The following SAMD5 variants were observed in gnomAD, a reference collection of about 807,000 sequenced individuals.
SAMD5 encodes the protein sterile alpha motif domain containing 5.
A neutral mutation model predicts 11.3 loss-of-function variants in SAMD5; 13 were observed. That is an observed-to-expected ratio of 1.15 (90% CI 0.75 to 1.83). The LOEUF (loss-of-function observed/expected upper bound fraction) is 1.83. Among genes scored for constraint, SAMD5 ranks in the 40% most tolerant of loss-of-function variants. SAMD5 has a pLI of 0.00. For synonymous variants in SAMD5, 129 were observed against 111.3 expected (o/e 1.16, Z -1.00); for missense variants, 255 against 239.1 (o/e 1.07, Z -0.44).
chr6:147,769,055 A>G, the SAMD5 span, among the ~76,000 whole-genome samples: 1 of 152,096 alleles, frequency 6.6e-6, no homozygotes, highest in South Asian at 2.1e-4. Context: ...CAGCCTCCCA[A>G]AGTGCTAGGA....
chr6:147,614,537 C>G (rs1271255656), intron 1 of SAMD5, among the ~76,000 whole-genome samples: 1 of 151,648 alleles, frequency 6.6e-6, no homozygotes, highest in Non-Finnish European at 1.5e-5. Flanking sequence ...GGAAGAATCT[C>G]AGAACTACAG....
intron 1 of SAMD5, among the ~76,000 whole-genome samples, chr6:147,534,539 TC>T (rs1436082002): frequency 6.6e-6 from 1 of 152,128 alleles, no homozygotes; most frequent in African/African-American, 2.4e-5. Context: ...CAAGTCAGTC[TC>T]CCCGAGCATT....
At chr6:147,626,510 G>C (rs1322288878) in intron 1 of SAMD5, among the ~76,000 whole-genome samples, 1 of 151,606 alleles carries the variant, frequency 6.6e-6, no homozygotes, top group African/African-American at 2.4e-5. Flanking sequence ...TTTGTAACTA[G>C]TGTGATTTTT....
intron 1 of SAMD5, among the ~76,000 whole-genome samples, chr6:147,627,239 T>C (rs1347416206): frequency 6.6e-6 from 1 of 152,192 alleles, no homozygotes; most frequent in Non-Finnish European, 1.5e-5. Context: ...CCTGGTAAAC[T>C]GATTACAAAT....
chr6:147,550,378 T>C (rs1788751176), intron 1 of SAMD5, among the ~76,000 whole-genome samples: 2 of 152,078 alleles, frequency 1.3e-5, no homozygotes, highest in South Asian at 4.1e-4. Context: ...AGAACTACCA[T>C]TTGATCCAGC....
At chr6:147,542,321 C>T (rs1365816793) in intron 1 of SAMD5, among the ~76,000 whole-genome samples, 1 of 152,166 alleles carries the variant, frequency 6.6e-6, no homozygotes, top group African/African-American at 2.4e-5. Context: ...CAATCCCGGA[C>T]AAGCCCCCAA....
the SAMD5 span, among the ~76,000 whole-genome samples, chr6:147,848,426 C>T: frequency 7.2e-5 from 11 of 152,182 alleles, no homozygotes; most frequent in Non-Finnish European, 1.2e-4. Context: ...ATGGATTACA[C>T]GCCGGACACT....
the SAMD5 span, among the ~76,000 whole-genome samples, chr6:147,907,347 T>C: frequency 5.3e-5 from 8 of 152,220 alleles, no homozygotes; most frequent in Non-Finnish European, 8.8e-5. Flanking sequence ...TTTTCTATGC[T>C]GGGCAATGGA....
chr6:147,570,568 C>A (rs949046568), downstream of SAMD5, among the ~76,000 whole-genome samples: 1 of 151,930 alleles, frequency 6.6e-6, no homozygotes, highest in Non-Finnish European at 1.5e-5. Context: ...GTCACCAGTC[C>A]CCAGACATTA....
chr6:147,827,553 A>G, the SAMD5 span, among the ~76,000 whole-genome samples: 2 of 152,286 alleles, frequency 1.3e-5, no homozygotes, highest in Admixed American at 1.3e-4. Context: ...TAAATTAAAT[A>G]GTGGAGCCCG....
At chr6:147,726,835 C>T (rs1791636264) in intron 1 of SAMD5, among the ~76,000 whole-genome samples, 1 of 152,174 alleles carries the variant, frequency 6.6e-6, no homozygotes, top group African/African-American at 2.4e-5. Flanking sequence ...TTGTTATAAT[C>T]GCTGTATAAC....
downstream of SAMD5, among the ~76,000 whole-genome samples, chr6:147,740,662 A>G (rs1246053682): frequency 6.6e-6 from 1 of 152,228 alleles, no homozygotes; most frequent in African/African-American, 2.4e-5. Flanking sequence ...ATATTATCAG[A>G]TGTACAAATG....
intron 1 of SAMD5, among the ~76,000 whole-genome samples, chr6:147,677,694 G>A (rs1308210470): frequency 2.0e-5 from 3 of 152,072 alleles, no homozygotes; most frequent in Non-Finnish European, 4.4e-5. Context: ...CAGGGATGGC[G>A]GGCGGGGGCT....
At chr6:147,766,301 C>G in the SAMD5 span, among the ~76,000 whole-genome samples, 2 of 151,920 alleles carry the variant, frequency 1.3e-5, no homozygotes, top group African/African-American at 4.8e-5. Flanking sequence ...GAAAAATTCT[C>G]TCTAGATCAG....
chr6:147,680,669 T>C (rs1448085991), intron 1 of SAMD5, among the ~76,000 whole-genome samples: 1 of 152,076 alleles, frequency 6.6e-6, no homozygotes, highest in African/African-American at 2.4e-5. Flanking sequence ...CTTCATCAGG[T>C]TGAGAAGGTT....
chr6:147,922,319 T>G, the SAMD5 span, among the ~76,000 whole-genome samples: 1 of 152,162 alleles, frequency 6.6e-6, no homozygotes, highest in African/African-American at 2.4e-5. Flanking sequence ...TCACTAGAAC[T>G]TTGAAGGGAA....
At chr6:147,954,614 C>A in the SAMD5 span, among the ~76,000 whole-genome samples, 3 of 151,432 alleles carry the variant, frequency 2.0e-5, no homozygotes, top group Non-Finnish European at 4.4e-5. Flanking sequence ...GTGGTAAGTG[C>A]CCTGTACATG....
At chr6:147,609,618 C>T (rs550334676) in intron 1 of SAMD5, among the ~76,000 whole-genome samples, 24 of 152,234 alleles carry the variant, frequency 1.6e-4, no homozygotes, top group Non-Finnish European at 3.1e-4. Flanking sequence ...GGTACAATCT[C>T]GGCTCACTGC....
At chr6:147,534,801 T>C (rs994281508) in intron 1 of SAMD5, among the ~76,000 whole-genome samples, 3 of 152,184 alleles carry the variant, frequency 2.0e-5, no homozygotes, top group Admixed American at 6.5e-5. Context: ...GTCACCTCTA[T>C]CTGCATGACT....
Sources: gnomAD v4.1 joint callset for allele counts (sites outside exome capture counted in the v4.1 genomes callset) on GRCh38, gnomAD v4.1.1 for gene constraint, MANE v1.5 for transcripts, NCBI Gene and HGNC (gene_info 2026-07-23, HGNC 2026-07-21) for gene names.